Variants in LMO7 observed in about 807,000 individuals in gnomAD.
LMO7 encodes the protein LIM domain only protein 7.
LMO7 carries 120 observed loss-of-function variants against 206.5 expected under a neutral mutation model. The observed-to-expected ratio is 0.58, with a 90% CI of 0.50 to 0.68. The LOEUF (loss-of-function observed/expected upper bound fraction) is 0.68. LMO7 is among the 30% of genes least tolerant of loss of function. The probability of loss-of-function intolerance (pLI) is 0.00; values close to 1 mark genes in which losing one functional copy is unlikely to be tolerated. For synonymous variants in LMO7, 706 were observed against 681.5 expected, an observed-to-expected ratio of 1.04 and a Z score of -0.56; for missense variants, 1,959 against 1,957.9, an observed-to-expected ratio of 1.00 and a Z score of -0.01.
chr13:75,714,335 C>G (rs1320277586), intron 2 of LMO7, among the ~76,000 whole-genome samples: 3 of 152,014 alleles, frequency 2.0e-5, no homozygotes, highest in African/African-American at 7.2e-5. Flanking sequence ...TTGCTGAGTT[C>G]AACAATATAT....
intron 2 of LMO7, among the ~76,000 whole-genome samples, chr13:75,721,327 AAT>A (rs2044000253): frequency 6.6e-6 from 1 of 152,218 alleles, no homozygotes; most frequent in South Asian, 2.1e-4. Context: ...GATTTTAATA[AAT>A]ATCTGTAAAG....
At position 75,694,383 on chromosome 13, in the gene LMO7, G is replaced by T. The variant is rs576472133; in HGVS notation, c.70-18799G>T. On this transcript the variant is annotated intron_variant, in intron 1 of 30. Coordinates refer to ENST00000377534, the MANE Select transcript of LMO7 (RefSeq NM_001306080.2). ...AATGAAGGGGCGAAGGGGCTCGAAG[G>T]TAGGTAGGAAGGCCTCACTCTGCAG... Among the ~76,000 whole-genome samples the T allele has an allele frequency of 3.9e-5, 6 of 152,322 alleles. No homozygotes were observed. In the South Asian group the frequency reaches 1.2e-3, roughly 32 times the overall value.
intron 16 of LMO7, 58 bp downstream of exon 16, chr13:75,833,223 G>A (rs1041753680): frequency 8.8e-6 from 9 of 1,025,868 alleles, no homozygotes; most frequent in Non-Finnish European, 1.4e-5. Flanking sequence ...CTTCATTGTG[G>A]GGTTGGGGAC....
chr13:75,856,239 G>A (rs1441755186), intron 29 of LMO7, among the ~76,000 whole-genome samples: 1 of 152,116 alleles, frequency 6.6e-6, no homozygotes, highest in African/African-American at 2.4e-5. Context: ...ATTTCTTAAA[G>A]TCAATCAGCA....
intron 1 of LMO7, among the ~76,000 whole-genome samples, chr13:75,685,826 C>T (rs772028479): frequency 2.0e-5 from 3 of 150,908 alleles, no homozygotes. Context: ...GCTACTCTTA[C>T]ATCAATTCAC....
At position 75,841,996 on chromosome 13, in the gene LMO7, A is replaced by G; in HGVS notation, c.4031+13A>G. 6.3e-7 allele frequency: 1 copy of G among 1,585,916 alleles called. No homozygotes were observed. The highest frequency in any genetic ancestry group is 8.6e-7 in the Non-Finnish European group (1 of 1,159,628). ...ACCAGTACAGGAGGTATGTCCCCACAGCCAGAGGGTACAAAGGCTTAGCTG... is the reference window on the plus strand; with the variant it reads ...ACCAGTACAGGAGGTATGTCCCCACGGCCAGAGGGTACAAAGGCTTAGCTG... On this transcript the variant is annotated intron_variant, in intron 24 of 30. Coordinates refer to ENST00000377534, the MANE Select transcript of LMO7 (RefSeq NM_001306080.2).
chr13:75,817,207 C>T lies in LMO7; in HGVS notation c.1993C>T (p.Arg665Cys), dbSNP rs370187434. 45 of 1,613,486 alleles carry T rather than the reference C, an allele frequency of 2.8e-5. No individual in the cohort carries two copies. The highest frequency in any genetic ancestry group is 3.4e-5 in the Non-Finnish European group (40 of 1,179,698). ...DVSAEDVQNL[R>C]QLRYEEMQKI... ...CAGCGCAGAAGATGTTCAAAACTTG[C>T]GTCAGCTGCGTTACGAGGAGATGCA... is the stretch of plus-strand genomic sequence containing the variant. Residue 665 changes from arginine to cysteine, a missense_variant, in exon 12 of 31, where the codon CGT becomes TGT. Coordinates refer to ENST00000377534, the MANE Select transcript of LMO7 (RefSeq NM_001306080.2).
chr13:75,627,755 T>C (rs2034402499), intron 2 of LMO7: 1 of 152,064 alleles, frequency 6.6e-6, no homozygotes, highest in Admixed American at 6.5e-5. Context: ...TAAACATACA[T>C]TCTCTCCTTC....
intron 11 of LMO7, among the ~76,000 whole-genome samples, chr13:75,815,845 G>A (rs1216646400): frequency 1.3e-5 from 2 of 152,146 alleles, no homozygotes; most frequent in African/African-American, 4.8e-5. Context: ...GTGAAAAGTG[G>A]TTGTTAGGTT....
Position 75,719,316 on chromosome 13 carries a change from G to C in LMO7, c.140+6064G>C, listed in dbSNP as rs146384716. On this transcript the variant is annotated intron_variant, in intron 2 of 30. Coordinates refer to ENST00000377534, the MANE Select transcript of LMO7 (RefSeq NM_001306080.2). ...CTTTAGTGCTGAATAACGTTCTACT[G>C]TCTGGAGGTTCCACAGTTTGTTTAT... Among the ~76,000 whole-genome samples, 331 of 152,254 alleles carry C rather than the reference G, an allele frequency of 2.2e-3. 3 individuals are homozygous for C. The highest frequency in any genetic ancestry group is 7.6e-3 in the African/African-American group (315 of 41,540).
intron 26 of LMO7, among the ~76,000 whole-genome samples, chr13:75,846,873 A>T (rs1002633132): frequency 2.6e-5 from 4 of 152,072 alleles, no homozygotes; most frequent in African/African-American, 9.7e-5. Context: ...TCTACCAAAA[A>T]TACAAAAATT....
chr13:75,663,427 TC>T (rs1473899289), intron 1 of LMO7, among the ~76,000 whole-genome samples: 2,001 of 100,354 alleles, frequency 0.02, 37 homozygotes, highest in East Asian at 0.056. Flanking sequence ...TTTCTTTCTT[TC>T]TTTCTTTTTT....
chr13:75,631,069 C>A (rs912597461), intron 2 of LMO7, among the ~76,000 whole-genome samples: 1 of 152,104 alleles, frequency 6.6e-6, no homozygotes, highest in Non-Finnish European at 1.5e-5. Context: ...CTCTGTTGCC[C>A]AGGCTGGAGT....
At chr13:75,820,476 C>T (rs117493858) in intron 13 of LMO7, among the ~76,000 whole-genome samples, 94 of 152,240 alleles carry the variant, frequency 6.2e-4, no homozygotes, top group Non-Finnish European at 9.1e-4. Flanking sequence ...AATTAATCCA[C>T]GACTTTGGAA....
intron 4 of LMO7, among the ~76,000 whole-genome samples, chr13:75,775,529 G>A (rs897225129): frequency 1.3e-5 from 2 of 151,892 alleles, no homozygotes; most frequent in Non-Finnish European, 2.9e-5. Context: ...TAGAGTAAAT[G>A]TATAATCTAA....
chr13:75,641,190 C>T (rs1320746002), intron 1 of LMO7, among the ~76,000 whole-genome samples: 1 of 152,176 alleles, frequency 6.6e-6, no homozygotes, highest in Non-Finnish European at 1.5e-5. Flanking sequence ...CCTGAGTCCA[C>T]CTGGTCAGTC....
At chr13:75,793,473 C>T (rs1481896097) in intron 4 of LMO7, among the ~76,000 whole-genome samples, 3 of 152,068 alleles carry the variant, frequency 2.0e-5, no homozygotes, top group Admixed American at 1.3e-4. Flanking sequence ...ACGGGGTTTC[C>T]CCGTGTTGGC....
At chr13:75,623,362 C>T in intron 2 of LMO7, 1 of 1,106,798 alleles carries the variant, frequency 9.0e-7, no homozygotes, top group Non-Finnish European at 1.4e-6. Context: ...TCAGAAAGGC[C>T]AAAGCATTTT....
intron 4 of LMO7, among the ~76,000 whole-genome samples, chr13:75,761,816 A>C (rs1037549558): frequency 6.6e-6 from 1 of 152,180 alleles, no homozygotes; most frequent in African/African-American, 2.4e-5. Flanking sequence ...TCTCTTTGTC[A>C]TCCTGCCTCT....
Sources: gnomAD v4.1 joint callset for allele counts (sites outside exome capture counted in the v4.1 genomes callset) on GRCh38, gnomAD v4.1.1 for gene constraint, MANE v1.5 for transcripts, NCBI Gene and HGNC (gene_info 2026-07-23, HGNC 2026-07-21) for gene names.